The following HS6ST3 variants were observed in gnomAD, a reference collection of about 807,000 sequenced individuals.
HS6ST3 encodes the protein heparan-sulfate 6-O-sulfotransferase 3.
In HS6ST3, 12 loss-of-function variants were observed where a neutral mutation model predicts 36.7. The ratio of observed to expected loss-of-function variants is 0.33; its 90% CI spans 0.21 to 0.53. HS6ST3 has a LOEUF of 0.53. HS6ST3 is among the 20% of genes least tolerant of loss of function. HS6ST3 has a pLI of 0.95. For synonymous variants in HS6ST3, 240 were observed against 257.5 expected (o/e 0.93, Z 0.65); for missense variants, 584 against 640.9 (o/e 0.91, Z 0.96).
intron 1 of HS6ST3, among the ~76,000 whole-genome samples, chr13:96,569,684 A>G (rs559237319): frequency 2.0e-5 from 3 of 152,326 alleles, no homozygotes; most frequent in Non-Finnish European, 4.4e-5. Context: ...AAACAAATAA[A>G]ATAAACCTTA....
intron 1 of HS6ST3, among the ~76,000 whole-genome samples, chr13:96,523,754 C>G (rs1051552432): frequency 6.6e-6 from 1 of 152,116 alleles, no homozygotes; most frequent in African/African-American, 2.4e-5. Context: ...GATAGCCATT[C>G]GTCTAACAGT....
chr13:96,223,658 G>A (rs982075739), intron 1 of HS6ST3, among the ~76,000 whole-genome samples: 1 of 152,090 alleles, frequency 6.6e-6, no homozygotes, highest in East Asian at 1.9e-4. Flanking sequence ...GGATATGGGG[G>A]GGGGGAAGTT....
intron 1 of HS6ST3, among the ~76,000 whole-genome samples, chr13:96,801,376 T>C (rs574712835): frequency 6.6e-6 from 1 of 152,216 alleles, no homozygotes; most frequent in South Asian, 2.1e-4. Flanking sequence ...TAAAAAGGCT[T>C]TAAGTCCTAT....
intron 1 of HS6ST3, among the ~76,000 whole-genome samples, chr13:96,753,240 A>G (rs1876741976): frequency 6.6e-6 from 1 of 152,158 alleles, no homozygotes; most frequent in Admixed American, 6.5e-5. Flanking sequence ...ACATTTTAGA[A>G]TTATTTGGGC....
intron 1 of HS6ST3, among the ~76,000 whole-genome samples, chr13:96,788,557 C>T (rs139377397): frequency 1.8e-3 from 268 of 151,836 alleles, no homozygotes; most frequent in South Asian, 9.3e-3. Context: ...GGAATTAGAT[C>T]CATTGGTTGA....
At chr13:96,428,534 GTGTGTC>G (rs1346506405) in intron 1 of HS6ST3, among the ~76,000 whole-genome samples, 1 of 152,116 alleles carries the variant, frequency 6.6e-6, no homozygotes, top group Non-Finnish European at 1.5e-5. Flanking sequence ...CCTTCTGTGT[GTGTGTC>G]TGTGTCCTAA....
chr13:96,572,774 T>C (rs1203712707), intron 1 of HS6ST3, among the ~76,000 whole-genome samples: 2 of 152,178 alleles, frequency 1.3e-5, no homozygotes, highest in Admixed American at 6.5e-5. Context: ...AATGAGCTAT[T>C]GCATTCAAGA....
chr13:96,222,660 C>G (rs1234012832), intron 1 of HS6ST3, among the ~76,000 whole-genome samples: 1 of 152,222 alleles, frequency 6.6e-6, no homozygotes. Flanking sequence ...ATCGCCCTGA[C>G]AGCTGAATCA....
chr13:96,463,185 C>A (rs1223230507), intron 1 of HS6ST3, among the ~76,000 whole-genome samples: 1 of 151,998 alleles, frequency 6.6e-6, no homozygotes, highest in Non-Finnish European at 1.5e-5. Flanking sequence ...ACCCGAGACA[C>A]CCAAGAAGAA....
At position 96,837,669 on chromosome 13, in the gene HS6ST3, A is replaced by C. The variant is rs1878961191; in HGVS notation, c.*4471A>C. Reference sequence around the variant, plus strand: ...GAGGGGGCCTCTTATTAGGAATGAAATATCCAAGAGATGGGCGGTGCTGCA... The same window carrying C: ...GAGGGGGCCTCTTATTAGGAATGAACTATCCAAGAGATGGGCGGTGCTGCA... On this transcript the variant is annotated 3_prime_UTR_variant, in exon 2 of 2. Coordinates refer to ENST00000376705, the MANE Select transcript of HS6ST3 (RefSeq NM_153456.4). The C allele has an allele frequency of 6.6e-6, 1 of 152,138 alleles. No individual in the cohort carries two copies. Among genetic ancestry groups the C allele is most frequent in the African/African-American group, 2.4e-5 (1 of 41,416 alleles). 9.4% of individuals were successfully genotyped at this position (152,138 alleles called of 1,614,324 possible).
In HS6ST3 at chr13:96,648,956, C is replaced by T. The variant is rs183485050; in HGVS notation, c.708-183534C>T. Among the ~76,000 whole-genome samples, 20 of 152,052 alleles carry T rather than the reference C, an allele frequency of 1.3e-4. No homozygotes were observed. In the East Asian group the frequency reaches 2.9e-3, roughly 22 times the overall value. On this transcript the variant is annotated intron_variant, in intron 1 of 1. Transcript: ENST00000376705. ...TTGCTATAGTGAATCAGAGCACTTT[C>T]TACTATCTATATTGATCTCAGACCT...
intron 1 of HS6ST3, among the ~76,000 whole-genome samples, chr13:96,229,050 A>C (rs1019100738): frequency 6.6e-6 from 1 of 152,210 alleles, no homozygotes; most frequent in African/African-American, 2.4e-5. Context: ...TCAAGTTATC[A>C]TAAGGGAGCC....
rs377522799 is a variant in HS6ST3, at chr13:96,203,106, T to C, written c.707+111537T>C. The stretch of plus-strand genomic sequence containing the variant: ...GATATTTCTCCATATAGAAGCATGT[T>C]GGGCTTGACCTCTCACTTTCCATTT... On this transcript the variant is annotated intron_variant, in intron 1 of 1. Coordinates refer to ENST00000376705, the MANE Select transcript of HS6ST3 (RefSeq NM_153456.4). Among the ~76,000 whole-genome samples, 131 of 152,338 alleles carry C rather than the reference T, an allele frequency of 8.6e-4. 1 individual carries two copies. The highest frequency in any genetic ancestry group is 2.9e-3 in the South Asian group (14 of 4,826).
At chr13:96,332,834 A>G (rs560145689) in intron 1 of HS6ST3, among the ~76,000 whole-genome samples, 22 of 152,312 alleles carry the variant, frequency 1.4e-4, no homozygotes, top group Admixed American at 1.0e-3. Context: ...ATCTCCCCCA[A>G]ATTCATATGT....
intron 1 of HS6ST3, among the ~76,000 whole-genome samples, chr13:96,724,883 C>G (rs1875964147): frequency 6.6e-6 from 1 of 152,096 alleles, no homozygotes; most frequent in South Asian, 2.1e-4. Flanking sequence ...GAATAAATAC[C>G]TAGGGATGGA....
At chr13:96,192,365 G>A (rs1367741519) in intron 1 of HS6ST3, among the ~76,000 whole-genome samples, 1 of 151,984 alleles carries the variant, frequency 6.6e-6, no homozygotes, top group Non-Finnish European at 1.5e-5. Flanking sequence ...ATGCTGGTGG[G>A]GATGGACTTC....
In HS6ST3 at chr13:96,762,214, A is replaced by G. The variant is rs554091167; in HGVS notation, c.708-70276A>G. On this transcript the variant is annotated intron_variant, in intron 1 of 1. Coordinates refer to ENST00000376705, the MANE Select transcript of HS6ST3 (RefSeq NM_153456.4). ...AAATATTGGCTGCGCATGGTGGCTC[A>G]TGCCTGTAATCCCAGCATTTTGGGA... Among the ~76,000 whole-genome samples, 5 of 152,322 alleles carry G rather than the reference A, an allele frequency of 3.3e-5. No individual in the cohort carries two copies. The South Asian group carries it at 1.0e-3, about 32-fold the overall frequency.
chr13:96,352,699 G>A (rs1265089034), intron 1 of HS6ST3, among the ~76,000 whole-genome samples: 1 of 152,030 alleles, frequency 6.6e-6, no homozygotes, highest in African/African-American at 2.4e-5. Context: ...TTAAAAATTG[G>A]GAAATCAGTC....
chr13:96,179,222 AT>A (rs994807389), intron 1 of HS6ST3, among the ~76,000 whole-genome samples: 1 of 152,174 alleles, frequency 6.6e-6, no homozygotes, highest in Admixed American at 6.5e-5. Context: ...TCCAGACTAT[AT>A]TTTTAACAGA....
Sources: allele counts gnomAD v4.1 joint callset (sites outside exome capture counted in the v4.1 genomes callset), GRCh38; gene constraint gnomAD v4.1.1; transcripts MANE v1.5; gene names NCBI Gene and HGNC (gene_info 2026-07-23, HGNC 2026-07-21).